The following ZNF836 variants were observed in gnomAD, a reference collection of about 807,000 sequenced individuals.
ZNF836 encodes the protein zinc finger protein 836.
In ZNF836, 12 loss-of-function variants were observed where a neutral mutation model predicts 7.4. The ratio of observed to expected loss-of-function variants is 1.61; its 90% CI spans 1.03 to 2.61. ZNF836 has a LOEUF of 2.61. ZNF836 is among the 30% of genes most tolerant of loss of function. The pLI, the probability that ZNF836 is intolerant of heterozygous loss-of-function variation, is 0.00. For missense variants in ZNF836, 998 were observed against 1,126.2 expected, an observed-to-expected ratio of 0.89 and a Z score of 1.63; for synonymous variants, 365 against 382.6, an observed-to-expected ratio of 0.95 and a Z score of 0.54.
intron 3 of ZNF836, among the ~76,000 whole-genome samples, chr19:52,164,332 G>T (rs943333748): frequency 6.6e-6 from 1 of 150,568 alleles, no homozygotes; most frequent in African/African-American, 2.4e-5. Context: ...GGCAGAGGTT[G>T]CAGTGAGCTG....
rs773341616 is a variant in ZNF836, at chr19:52,155,772, C to T, written c.1911G>A (p.Pro637=). The T allele has an allele frequency of 1.4e-5, 22 of 1,613,636 alleles. No individual in the cohort carries two copies. Among genetic ancestry groups the T allele is most frequent in the South Asian group, 2.2e-5 (2 of 91,044 alleles). Residue 637 remains proline (P), a synonymous_variant, in exon 5 of 5, where the codon CCG becomes CCA. Transcript: ENST00000682614. ...CCTTGCCGCATTCGTTACATTGAAA[C>T]GGCTTCTCTCCAGTATGAATTCTCT... ...NHKRIHTGEK[P]FQCNECGKVF...
chr19:52,164,356 G>A lies in ZNF836; in HGVS notation c.15+3702C>T, dbSNP rs143534070. Among the ~76,000 whole-genome samples the A allele has an allele frequency of 3.5e-3, 510 of 146,696 alleles. 1 individual carries two copies. Among genetic ancestry groups the A allele is most frequent in the Non-Finnish European group, 5.6e-3 (375 of 67,222 alleles). On this transcript the variant is annotated intron_variant, in intron 3 of 4. Transcript: ENST00000682614. ...TGCAGTGAGCTGAGATCGCACCATC[G>A]CACTCCAGCCCGGGCAACAGGAGTG...
Position 52,156,634 on chromosome 19 carries a change from A to T in ZNF836, c.1049T>A (p.Ile350Lys), listed in dbSNP as rs764946340. Reference sequence around the variant, plus strand: ...ATATGGTTTCTCTCCTGTATGGATTATCTGATGTGTAGTGAGGCATGAGCC... The same window carrying T: ...ATATGGTTTCTCTCCTGTATGGATTTTCTGATGTGTAGTGAGGCATGAGCC... ...KQGSCLTTHQ[I>K]IHTGEKPYQC... Residue 350 changes from isoleucine to lysine, a missense_variant, in exon 5 of 5, where the codon ATA becomes AAA. Ile to Lys is a moderately radical substitution (Grantham distance 102). Transcript: ENST00000682614. 4 of 1,613,406 alleles carry T rather than the reference A, an allele frequency of 2.5e-6. No homozygotes were observed. In the South Asian group the frequency reaches 3.3e-5, roughly 13 times the overall value.
At chr19:52,159,713 G>T (rs1234014545) in intron 4 of ZNF836, among the ~76,000 whole-genome samples, 4 of 152,116 alleles carry the variant, frequency 2.6e-5, no homozygotes, top group African/African-American at 9.7e-5. Flanking sequence ...ATGCTAGTAA[G>T]TAACTGGGTA....
At position 52,157,271 on chromosome 19, in the gene ZNF836, C is replaced by T. The variant is rs1322765797; in HGVS notation, c.412G>A (p.Glu138Lys). Residue 138 changes from glutamate (E) to lysine (K), a missense_variant, in exon 5 of 5, where the codon GAA becomes AAA. Coordinates refer to ENST00000682614, the MANE Select transcript of ZNF836 (RefSeq NM_001102657.3). ...TGAAAGCTTAATGTAAGCTGATTTT[C>T]AATACATTTGTTTTCTACATCCTCT... ...SQEDVENKCI[E>K]NQLTLSFQSR... is the part of the protein sequence containing the mutation. 1.2e-6 allele frequency: 2 copies of T among 1,605,306 alleles called. No individual in the cohort carries two copies. Among genetic ancestry groups the T allele is most frequent in the African/African-American group, 2.7e-5 (2 of 74,712 alleles).
intron 3 of ZNF836, 53 bp downstream of exon 3, chr19:52,168,005 T>C: frequency 7.2e-7 from 1 of 1,387,672 alleles, no homozygotes; most frequent in Non-Finnish European, 1.0e-6. Flanking sequence ...CTCCAATGTG[T>C]CGCATTTCAA....
At chr19:52,162,539 CG>C (rs1555787772) in intron 3 of ZNF836, among the ~76,000 whole-genome samples, 1 of 152,078 alleles carries the variant, frequency 6.6e-6, no homozygotes, top group Non-Finnish European at 1.5e-5. Flanking sequence ...CGGGTGAACG[CG>C]GGAATAAAAG....
Position 52,157,340 on chromosome 19 carries a change from T to C in ZNF836, c.343A>G (p.Thr115Ala), listed in dbSNP as rs779939639. 5.0e-6 allele frequency: 8 copies of C among 1,606,840 alleles called. No homozygotes were observed. The highest frequency in any genetic ancestry group is 1.3e-5 in the African/African-American group (1 of 74,360). ...GEINYKEVPMTYKNNLNGKRG... is the reference protein window; with the variant it reads ...GEINYKEVPMAYKNNLNGKRG... ...TTACCATTAAGATTGTTTTTATAGG[T>C]CATTGGCACTTCTTTATAATTTATT... The change falls in exon 5 of 5, where the codon ACC (threonine) becomes GCC (alanine). Residue 115 changes from threonine to alanine, a missense_variant. Transcript: ENST00000682614.
At position 52,155,899 on chromosome 19, in the gene ZNF836, G is replaced by C; in HGVS notation, c.1784C>G (p.Ser595Ter). The C allele has an allele frequency of 1.2e-6, 2 of 1,614,002 alleles. No individual in the cohort carries two copies. Among genetic ancestry groups the C allele is most frequent in the Non-Finnish European group, 1.7e-6 (2 of 1,179,896 alleles). The change falls in exon 5 of 5, where the codon TCA becomes TGA. Residue 595 changes from serine (S) to a stop codon, truncating the protein, a stop_gained. Transcript: ENST00000682614. LOFTEE classifies it low-confidence loss of function (END_TRUNC). ...NECGTVFRNY[S>*]CLARHLRIHT... is the part of the protein sequence containing the mutation. Reference sequence around the variant, plus strand: ...AATTCTTAGATGACGTGCTAGGCATGAGTAGTTCCTGAAGACTGTGCCACA... The same window carrying C: ...AATTCTTAGATGACGTGCTAGGCATCAGTAGTTCCTGAAGACTGTGCCACA...
rs60505899 is a variant in ZNF836, at chr19:52,162,547, A to G, written c.16-1956T>C. Among the ~76,000 whole-genome samples, 1,144 of 152,322 alleles carry G rather than the reference A, an allele frequency of 7.5e-3. 15 individuals carry two copies. Among genetic ancestry groups the G allele is most frequent in the African/African-American group, 0.026 (1,092 of 41,580 alleles). On this transcript the variant is annotated intron_variant, in intron 3 of 4. Coordinates refer to ENST00000682614, the MANE Select transcript of ZNF836 (RefSeq NM_001102657.3). ...AACAAAGCGGGTGAACGCGGGAATA[A>G]AAGAAAAAGACAAGAGAGTATATTT...
At chr19:52,162,736 C>G (rs12460375) in intron 3 of ZNF836, among the ~76,000 whole-genome samples, 26,291 of 152,076 alleles carry the variant, frequency 0.17, 2,515 homozygotes, top group South Asian at 0.35. Context: ...TGCATCCTTC[C>G]AACAATAAGC....
Position 52,155,240 on chromosome 19 carries a change from A to G in ZNF836, c.2443T>C (p.Phe815Leu). ...PYVCNECGKA[F>L]RVRSILVNHQ... ...TTAACCAGAATTGAACGCACTCTAA[A>G]GGCTTTGCCACACTCATTACACACG... is the stretch of plus-strand genomic sequence containing the variant. Residue 815 changes from phenylalanine (F) to leucine (L), a missense_variant, in exon 5 of 5, where the codon TTT becomes CTT. Phe to Leu is a conservative substitution (Grantham distance 22, BLOSUM62 0). Transcript: ENST00000682614. The G allele has an allele frequency of 6.2e-7, 1 of 1,614,066 alleles. No homozygotes were observed. Among genetic ancestry groups the G allele is most frequent in the Non-Finnish European group, 8.5e-7 (1 of 1,179,948 alleles).
In ZNF836 at chr19:52,157,347, C is replaced by A; in HGVS notation, c.336G>T (p.Val112=). 1 of 1,607,158 alleles carries A rather than the reference C, an allele frequency of 6.2e-7. No individual in the cohort carries two copies. The part of the protein sequence containing the change: ...WKDGEINYKE[V]PMTYKNNLNG... ...TAAGATTGTTTTTATAGGTCATTGGCACTTCTTTATAATTTATTTCACCAT... is the reference window on the plus strand; with the variant it reads ...TAAGATTGTTTTTATAGGTCATTGGAACTTCTTTATAATTTATTTCACCAT... The change falls in exon 5 of 5, where the codon GTG becomes GTT. Residue 112 remains valine, a synonymous_variant. Transcript: ENST00000682614.
intron 4 of ZNF836, among the ~76,000 whole-genome samples, chr19:52,157,842 T>C (rs960268365): frequency 2.0e-5 from 3 of 152,150 alleles, no homozygotes; most frequent in African/African-American, 7.2e-5. Context: ...GTGCTGGGAT[T>C]ACAGGTGTGA....
In ZNF836 at chr19:52,155,230, C is replaced by T. The variant is rs781140554; in HGVS notation, c.2453G>A (p.Arg818His). ...TTTCTGATGATTAACCAGAATTGAA[C>T]GCACTCTAAAGGCTTTGCCACACTC... ...CNECGKAFRV[R>H]SILVNHQKMH... Residue 818 changes from arginine (R) to histidine (H), a missense_variant, in exon 5 of 5, where the codon CGT becomes CAT. Transcript: ENST00000682614. 1.7e-5 allele frequency: 27 copies of T among 1,613,878 alleles called. No individual in the cohort carries two copies. The highest frequency in any genetic ancestry group is 4.5e-5 in the East Asian group (2 of 44,872).
intron 4 of ZNF836, among the ~76,000 whole-genome samples, chr19:52,159,573 T>C (rs922136543): frequency 2.6e-5 from 4 of 152,210 alleles, no homozygotes; most frequent in African/African-American, 9.6e-5. Context: ...TGAATAACAG[T>C]ATCTGAGCCA....
At chr19:52,165,538 A>T (rs976480249) in intron 3 of ZNF836, among the ~76,000 whole-genome samples, 1 of 152,182 alleles carries the variant, frequency 6.6e-6, no homozygotes, top group Non-Finnish European at 1.5e-5. Context: ...GCAACTTGAC[A>T]CCTCTCACTG....
rs1232067667 is a variant in ZNF836, at chr19:52,156,045, T to G, written c.1638A>C (p.Arg546Ser). ...TGTAAGGTTGCTCCCCAGTATGAAT[T>G]CTTAAATGTCTTACAAGGCATGAAT... Reference protein sequence around the residue: ...SENSCLVRHLRIHTGEQPYKC... With the variant: ...SENSCLVRHLSIHTGEQPYKC... The change falls in exon 5 of 5, where the codon AGA becomes AGC. Residue 546 changes from arginine (R) to serine (S), a missense_variant. Coordinates refer to ENST00000682614, the MANE Select transcript of ZNF836 (RefSeq NM_001102657.3). 1 of 1,614,068 alleles carries G rather than the reference T, an allele frequency of 6.2e-7. No individual in the cohort carries two copies. The highest frequency in any genetic ancestry group is 1.1e-5 in the South Asian group (1 of 91,088).
At position 52,155,800 on chromosome 19, in the gene ZNF836, T is replaced by C. The variant is rs971660828; in HGVS notation, c.1883A>G (p.His628Arg). 4.3e-6 allele frequency: 7 copies of C among 1,613,946 alleles called. No individual in the cohort carries two copies. Among genetic ancestry groups the C allele is most frequent in the Non-Finnish European group, 5.9e-6 (7 of 1,179,910 alleles). ...CTTCTCTCCAGTATGAATTCTCTTA[T>C]GATTTGAAAGGTTTCCACTGTCATT... is the stretch of plus-strand genomic sequence containing the variant. ...VFNDSGNLSNHKRIHTGEKPF... is the reference protein window; with the variant it reads ...VFNDSGNLSNRKRIHTGEKPF... The change falls in exon 5 of 5, where the codon CAT becomes CGT. Residue 628 changes from histidine (H) to arginine (R), a missense_variant. Physicochemically the swap from His to Arg is conservative, Grantham distance 29. Transcript: ENST00000682614.
Sources: gnomAD v4.1 joint callset for allele counts (sites outside exome capture counted in the v4.1 genomes callset) on GRCh38, gnomAD v4.1.1 for gene constraint, MANE v1.5 for transcripts, NCBI Gene and HGNC (gene_info 2026-07-23, HGNC 2026-07-21) for gene names.